Variants in MCC observed in about 807,000 individuals in gnomAD.
The protein encoded by MCC is MCC regulator of Wnt signaling pathway.
In MCC, 90 loss-of-function variants were observed where a neutral mutation model predicts 116.2. The observed-to-expected ratio is 0.77, with a 90% CI of 0.65 to 0.92. The LOEUF is 0.92. Among genes scored for constraint, MCC ranks in the 40% least tolerant of loss-of-function variants. MCC has a pLI of 0.00. For missense variants in MCC, 1,516 were observed against 1,312.2 expected (o/e 1.16, Z -2.40); for synonymous variants, 578 against 510.5 (o/e 1.13, Z -1.78).
chr5:113,152,982 GT>G (rs1195550448), intron 3 of MCC, among the ~76,000 whole-genome samples: 1 of 152,124 alleles, frequency 6.6e-6, no homozygotes, highest in Non-Finnish European at 1.5e-5. Flanking sequence ...CAGTGTTCCC[GT>G]TGTATAGTCT....
At chr5:113,287,404 C>A (rs1236491238) in intron 3 of MCC, among the ~76,000 whole-genome samples, 1 of 152,194 alleles carries the variant, frequency 6.6e-6, no homozygotes, top group African/African-American at 2.4e-5. Flanking sequence ...TCTTGGCTCA[C>A]TGCAACCTCC....
At chr5:113,426,246 G>C (rs1770478809) in intron 1 of MCC, among the ~76,000 whole-genome samples, 1 of 152,192 alleles carries the variant, frequency 6.6e-6, no homozygotes, top group Non-Finnish European at 1.5e-5. Context: ...ATCACGCTCA[G>C]GTTGAGGCTG....
At chr5:113,350,985 A>T (rs538401787) in intron 2 of MCC, among the ~76,000 whole-genome samples, 1 of 152,164 alleles carries the variant, frequency 6.6e-6, no homozygotes, top group African/African-American at 2.4e-5. Flanking sequence ...CTACAATGAG[A>T]TATCATCTCA....
chr5:113,247,010 C>T (rs1455546749), intron 3 of MCC, among the ~76,000 whole-genome samples: 1 of 152,200 alleles, frequency 6.6e-6, no homozygotes, highest in East Asian at 1.9e-4. Context: ...TCACTCAGTC[C>T]ACTGTTCGGT....
intron 3 of MCC, among the ~76,000 whole-genome samples, chr5:113,336,795 G>A (rs1737880757): frequency 6.6e-6 from 1 of 152,208 alleles, no homozygotes. Context: ...ACACTGTCTT[G>A]TTGCCTTTGC....
chr5:113,482,247 T>C (rs1159174559), intron 1 of MCC, among the ~76,000 whole-genome samples: 1 of 152,192 alleles, frequency 6.6e-6, no homozygotes, highest in African/African-American at 2.4e-5. Context: ...GGTGGACATA[T>C]ATTTTCAGTT....
At chr5:113,230,533 T>C (rs938963998) in intron 3 of MCC, among the ~76,000 whole-genome samples, 1 of 152,222 alleles carries the variant, frequency 6.6e-6, no homozygotes, top group African/African-American at 2.4e-5. Context: ...TTTCTTCCTT[T>C]AACAGAGAGA....
At chr5:113,459,190 G>T (rs1430025073) in intron 1 of MCC, among the ~76,000 whole-genome samples, 5 of 138,208 alleles carry the variant, frequency 3.6e-5, no homozygotes, top group South Asian at 2.2e-4. Context: ...AAGTGGGTGG[G>T]GGGGGGAGAG....
At chr5:113,074,083 C>T (rs921354463) in intron 11 of MCC, among the ~76,000 whole-genome samples, 1 of 152,368 alleles carries the variant, frequency 6.6e-6, no homozygotes, top group East Asian at 1.9e-4. Flanking sequence ...ACTGCCTCCT[C>T]AAGTGGGTCC....
At chr5:113,481,741 A>G (rs896624416) in intron 1 of MCC, among the ~76,000 whole-genome samples, 2 of 152,158 alleles carry the variant, frequency 1.3e-5, no homozygotes, top group African/African-American at 4.8e-5. Context: ...TCCATCTCAA[A>G]AAAATAAAAA....
At position 113,043,588 on chromosome 5, in the gene MCC, G is replaced by T. The variant is rs749479130; in HGVS notation, c.2698C>A (p.Leu900Ile). 6.2e-7 allele frequency: 1 copy of T among 1,614,222 alleles called. No individual in the cohort carries two copies. Among genetic ancestry groups the T allele is most frequent in the Non-Finnish European group, 8.5e-7 (1 of 1,180,028 alleles). The change falls in exon 17 of 19, where the codon CTC (leucine) becomes ATC (isoleucine). Residue 900 changes from leucine (L) to isoleucine (I), a missense_variant. Coordinates refer to ENST00000408903, the MANE Select transcript of MCC (RefSeq NM_001085377.2). ...TCATTCTCGCTGCACGTTGTCCTGA[G>T]TTCGGCTAGGGACAGAGCTGGGGAG... ...AASPALSLAE[L>I]RTTCSENELA...
chr5:113,413,004 C>T (rs921392373), intron 1 of MCC, among the ~76,000 whole-genome samples: 1 of 152,114 alleles, frequency 6.6e-6, no homozygotes, highest in African/African-American at 2.4e-5. Context: ...TTGTCAAAGG[C>T]CTTTTCTGCA....
chr5:113,043,671 G>T, intron 16 of MCC, 41 bp from the exon 17 acceptor site: 1 of 1,464,832 alleles, frequency 6.8e-7, no homozygotes, highest in Non-Finnish European at 9.5e-7. Flanking sequence ...CTGAATCCAA[G>T]CCGGCAGCAC....
intron 10 of MCC, 146 bp downstream of exon 10, chr5:113,083,955 C>A: frequency 1.6e-6 from 1 of 626,162 alleles, no homozygotes; most frequent in Non-Finnish European, 2.8e-6. Context: ...TTAATTTAAT[C>A]CTTTGGAAGG....
At chr5:113,095,687 TAAAAA>T (rs985037178) in intron 8 of MCC, among the ~76,000 whole-genome samples, 1 of 146,504 alleles carries the variant, frequency 6.8e-6, no homozygotes, top group Non-Finnish European at 1.5e-5. Context: ...CTTGGCTAAT[TAAAAA>T]AAAAAAAATT....
intron 3 of MCC, among the ~76,000 whole-genome samples, chr5:113,275,201 T>C (rs1211327204): frequency 1.3e-5 from 2 of 152,292 alleles, no homozygotes; most frequent in Admixed American, 1.3e-4. Context: ...CCCTCCTCCA[T>C]TGTGCTACAA....
At chr5:113,446,415 C>G (rs1016617730) in intron 1 of MCC, among the ~76,000 whole-genome samples, 2 of 123,280 alleles carry the variant, frequency 1.6e-5, no homozygotes, top group Non-Finnish European at 3.9e-5. Context: ...AATATATAAC[C>G]TTGTTAAAAA....
intron 1 of MCC, among the ~76,000 whole-genome samples, chr5:113,396,869 G>A (rs551157786): frequency 6.6e-6 from 1 of 152,258 alleles, no homozygotes; most frequent in East Asian, 1.9e-4. Context: ...TCAACCAGAA[G>A]CCCATGATTC....
intron 5 of MCC, among the ~76,000 whole-genome samples, chr5:113,130,902 C>T (rs1033436394): frequency 1.3e-5 from 2 of 152,176 alleles, no homozygotes; most frequent in East Asian, 1.9e-4. Flanking sequence ...TTTCTAGTAA[C>T]ACAAAGGGAC....
Sources: gnomAD v4.1 joint callset for allele counts (sites outside exome capture counted in the v4.1 genomes callset) on GRCh38, gnomAD v4.1.1 for gene constraint, MANE v1.5 for transcripts, NCBI Gene and HGNC (gene_info 2026-07-23, HGNC 2026-07-21) for gene names.